The following NOL4 variants were observed in gnomAD, a reference collection of about 807,000 sequenced individuals.
NOL4 encodes the protein nucleolar protein 4, also known as cancer/testis antigen 125.
A neutral mutation model predicts 75.9 loss-of-function variants in NOL4; 17 were observed. That is an observed-to-expected ratio of 0.22 (90% CI 0.15 to 0.34). The LOEUF (loss-of-function observed/expected upper bound fraction) is 0.34, where lower values mean the gene tolerates loss of function less well. Among genes scored for constraint, NOL4 ranks in the 10% least tolerant of loss-of-function variants. NOL4 has a pLI of 1.00. For synonymous variants in NOL4, 292 were observed against 289.9 expected (o/e 1.01, Z -0.07); for missense variants, 614 against 793.5 (o/e 0.77, Z 2.72).
intron 10 of NOL4, among the ~76,000 whole-genome samples, chr18:33,853,483 G>C (rs2062708811): frequency 6.6e-6 from 1 of 152,048 alleles, no homozygotes; most frequent in Admixed American, 6.6e-5. Flanking sequence ...TGACTTTAGA[G>C]TACAAACTAG....
At chr18:34,071,121 G>A (rs142869598) in intron 5 of NOL4, among the ~76,000 whole-genome samples, 5 of 152,204 alleles carry the variant, frequency 3.3e-5, no homozygotes, top group Middle Eastern at 3.4e-3. Context: ...ACAAAGAAAT[G>A]ATAGATGTTT....
intron 2 of NOL4, among the ~76,000 whole-genome samples, chr18:34,112,562 G>A (rs1181285316): frequency 5.3e-5 from 8 of 152,042 alleles, no homozygotes; most frequent in African/African-American, 1.9e-4. Flanking sequence ...GCAACAACAT[G>A]TATGAACCTG....
intron 6 of NOL4, among the ~76,000 whole-genome samples, chr18:33,978,660 A>G (rs375280295): frequency 2.6e-5 from 4 of 152,078 alleles, no homozygotes; most frequent in East Asian, 3.9e-4. Context: ...CCCTGCTGAT[A>G]CCAAAGTCTG....
intron 9 of NOL4, among the ~76,000 whole-genome samples, chr18:33,902,888 A>G (rs933782504): frequency 6.6e-6 from 1 of 152,160 alleles, no homozygotes; most frequent in Non-Finnish European, 1.5e-5. Context: ...AAATTTCTAC[A>G]TGTATGTAAT....
At chr18:33,867,649 A>AAC (rs35491645) in intron 10 of NOL4, among the ~76,000 whole-genome samples, 9,218 of 148,716 alleles carry the variant, frequency 0.062, 312 homozygotes, top group East Asian at 0.098. Context: ...TGTGTATGTA[A>AAC]ACACACACAC....
chr18:34,000,160 C>T (rs778320244), intron 6 of NOL4, among the ~76,000 whole-genome samples: 5 of 152,146 alleles, frequency 3.3e-5, no homozygotes, highest in Non-Finnish European at 7.4e-5. Flanking sequence ...GTCTTGTAGA[C>T]TTGTCCAATC....
At chr18:34,187,036 T>C (rs1418755920) in intron 1 of NOL4, among the ~76,000 whole-genome samples, 12 of 152,168 alleles carry the variant, frequency 7.9e-5, no homozygotes, top group Admixed American at 7.9e-4. Flanking sequence ...TTGGCAATCA[T>C]TATCACCCAG....
At chr18:33,859,764 C>T (rs1352457070) in intron 10 of NOL4, among the ~76,000 whole-genome samples, 4 of 151,898 alleles carry the variant, frequency 2.6e-5, no homozygotes, top group South Asian at 2.1e-4. Context: ...ACTAAAAATA[C>T]AAAAATTAGC....
intron 5 of NOL4, among the ~76,000 whole-genome samples, chr18:34,085,992 A>C (rs549241223): frequency 6.6e-6 from 1 of 152,226 alleles, no homozygotes; most frequent in South Asian, 2.1e-4. Context: ...ATTACTTATA[A>C]AGGTAGTTTA....
At chr18:34,090,134 A>G (rs1568327926) in intron 5 of NOL4, among the ~76,000 whole-genome samples, 1 of 152,196 alleles carries the variant, frequency 6.6e-6, no homozygotes, top group South Asian at 2.1e-4. Context: ...GGTTGTCAAT[A>G]TGGATTACCT....
intron 1 of NOL4, among the ~76,000 whole-genome samples, chr18:34,181,495 A>G (rs2034028087): frequency 6.6e-6 from 1 of 151,630 alleles, no homozygotes; most frequent in African/African-American, 2.4e-5. Flanking sequence ...ACACATCATT[A>G]TGACCTTGCT....
intron 1 of NOL4, chr18:34,222,320 G>C: frequency 7.8e-7 from 1 of 1,276,706 alleles, no homozygotes. Flanking sequence ...TTTATTTGTG[G>C]AAGAGGGAAG....
At chr18:33,882,583 T>A (rs1190408208) in intron 10 of NOL4, among the ~76,000 whole-genome samples, 4 of 148,950 alleles carry the variant, frequency 2.7e-5, no homozygotes, top group Admixed American at 2.0e-4. Context: ...TGTGGAGAAA[T>A]AGGAACACTT....
chr18:33,926,747 C>T (rs1042640432), intron 9 of NOL4, among the ~76,000 whole-genome samples: 2 of 151,932 alleles, frequency 1.3e-5, no homozygotes, highest in African/African-American at 2.4e-5. Flanking sequence ...ATTAGAGGCG[C>T]CCACCACCAC....
In NOL4 at chr18:34,019,356, G is replaced by A. The variant is rs1382970521; in HGVS notation, c.1018C>T (p.Leu340Phe). ...NKYKNLLISD[L>F]KMEREARENG... is the part of the protein sequence containing the mutation. ...TCTCTCGCCTCTCGTTCCATCTTGA[G>A]GTCAGAAATTAGAAGATTCTTATAC... Residue 340 changes from leucine (L) to phenylalanine (F), a missense_variant, in exon 6 of 11, where the codon CTC becomes TTC. Leu to Phe is a conservative substitution (Grantham distance 22). Coordinates refer to ENST00000261592, the MANE Select transcript of NOL4 (RefSeq NM_003787.5). The A allele has an allele frequency of 6.2e-7, 1 of 1,613,902 alleles. No individual in the cohort carries two copies. The highest frequency in any genetic ancestry group is 8.5e-7 in the Non-Finnish European group (1 of 1,179,926).
At chr18:33,999,899 G>A (rs1175037295) in intron 6 of NOL4, among the ~76,000 whole-genome samples, 1 of 151,986 alleles carries the variant, frequency 6.6e-6, no homozygotes, top group Non-Finnish European at 1.5e-5. Flanking sequence ...TAATCCACCT[G>A]CCTCGGCCTC....
chr18:34,185,439 C>T (rs1600823492), intron 1 of NOL4, among the ~76,000 whole-genome samples: 1 of 152,150 alleles, frequency 6.6e-6, no homozygotes, highest in South Asian at 2.1e-4. Flanking sequence ...AAACTCTGAG[C>T]TCAGAGAAAC....
intron 8 of NOL4, among the ~76,000 whole-genome samples, chr18:33,945,766 G>A (rs1028412739): frequency 1.3e-5 from 2 of 151,736 alleles, no homozygotes; most frequent in Non-Finnish European, 3.0e-5. Context: ...TAGATAAACA[G>A]TATAATTTTG....
chr18:34,142,249 C>T (rs544551765), intron 1 of NOL4, among the ~76,000 whole-genome samples: 1 of 152,274 alleles, frequency 6.6e-6, no homozygotes, highest in East Asian at 1.9e-4. Context: ...TAAACTAGTT[C>T]AACCACTGTG....
Sources: gnomAD v4.1 joint callset for allele counts (sites outside exome capture counted in the v4.1 genomes callset) on GRCh38, gnomAD v4.1.1 for gene constraint, MANE v1.5 for transcripts, NCBI Gene and HGNC (gene_info 2026-07-23, HGNC 2026-07-21) for gene names.